Variants in ETV1 observed in about 807,000 individuals in gnomAD.
ETV1 encodes the protein ETS variant transcription factor 1, also known as ETS translocation variant 1.
A neutral mutation model predicts 62.3 loss-of-function variants in ETV1; 27 were observed. The ratio of observed to expected loss-of-function variants is 0.43; its 90% CI spans 0.32 to 0.60. ETV1 has a LOEUF of 0.60. Ranked by LOEUF, ETV1 falls within the 20% of genes least tolerant of loss-of-function variation. ETV1 has a pLI of 0.06. For synonymous variants in ETV1, 222 were observed against 199.6 expected, an observed-to-expected ratio of 1.11 and a Z score of -0.94; for missense variants, 605 against 605.8, an observed-to-expected ratio of 1.00 and a Z score of 0.01.
At chr7:13,903,624 G>T (rs1386422411) in intron 12 of ETV1, among the ~76,000 whole-genome samples, 1 of 151,836 alleles carries the variant, frequency 6.6e-6, no homozygotes, top group African/African-American at 2.4e-5. Flanking sequence ...TTAGCTGGGT[G>T]TGGGGGTGCA....
In ETV1 at chr7:13,909,546, A is replaced by C. The variant is rs1783350488; in HGVS notation, c.940+86T>G. On this transcript the variant is annotated intron_variant, in intron 11 of 13. Transcript: ENST00000430479. The stretch of plus-strand genomic sequence containing the variant: ...ATTATGTGCATAGGAATCTTTAAGT[A>C]GGGATGTCCACTGTTTTCAGAAGAA... 13 of 934,492 alleles carry C rather than the reference A, an allele frequency of 1.4e-5. No homozygotes were observed. In the South Asian group the frequency reaches 1.4e-4, roughly 10 times the overall value. 57.9% of individuals were successfully genotyped at this position (934,492 alleles called of 1,614,324 possible).
chr7:13,896,100 T>C lies in ETV1; in HGVS notation c.1213-13A>G, dbSNP rs768700615. 3 of 1,605,988 alleles carry C rather than the reference T, an allele frequency of 1.9e-6. No homozygotes were observed. The highest frequency in any genetic ancestry group is 2.6e-6 in the Non-Finnish European group (3 of 1,174,690). ...TCTCTCCAGCCACCTGATGATAACA[T>C]GGAAGAGAAAAACCCATCCTCACCA... On this transcript the variant is annotated splice_polypyrimidine_tract_variant and intron_variant, in intron 13 of 13. Transcript: ENST00000430479.
At chr7:13,905,237 A>T (rs572334714) in intron 12 of ETV1, among the ~76,000 whole-genome samples, 1 of 152,236 alleles carries the variant, frequency 6.6e-6, no homozygotes, top group South Asian at 2.1e-4. Flanking sequence ...TGGTTTAATA[A>T]AGACAGAAAA....
In ETV1 at chr7:13,939,196, A is replaced by G. The variant is rs2128459518; in HGVS notation, c.286T>C (p.Cys96Arg). 1.2e-6 allele frequency: 2 copies of G among 1,612,980 alleles called. No homozygotes were observed. Among genetic ancestry groups the G allele is most frequent in the Admixed American group, 1.7e-5 (1 of 59,794 alleles). The change falls in exon 7 of 14, where the codon TGT (cysteine) becomes CGT (arginine). Residue 96 changes from cysteine (C) to arginine (R), a missense_variant. Physicochemically the swap from Cys to Arg is radical, Grantham distance 180. Transcript: ENST00000430479. Reference sequence around the variant, plus strand: ...CTGCAGGCAGAGCTGATTTCTGAACATGGACTGTGGGGTTCTTTCTTGATT... The same window carrying G: ...CTGCAGGCAGAGCTGATTTCTGAACGTGGACTGTGGGGTTCTTTCTTGATT... ...LKIKKEPHSP[C>R]SEISSACSQE...
chr7:13,973,492 T>C (rs1781103248), intron 6 of ETV1, among the ~76,000 whole-genome samples: 1 of 152,190 alleles, frequency 6.6e-6, no homozygotes, highest in Non-Finnish European at 1.5e-5. Context: ...CATCCAGAAA[T>C]CCTCTTTAGT....
chr7:13,952,835 A>G (rs6946355), intron 6 of ETV1, among the ~76,000 whole-genome samples: 90,643 of 152,058 alleles, frequency 0.6, 27,846 homozygotes, highest in African/African-American at 0.76. Context: ...GAGACCAAAT[A>G]CAGAATATGT....
At chr7:13,929,322 T>C (rs1038000100) in intron 9 of ETV1, among the ~76,000 whole-genome samples, 2 of 152,194 alleles carry the variant, frequency 1.3e-5, no homozygotes, top group African/African-American at 4.8e-5. Flanking sequence ...ATAAAGACTC[T>C]TATACAATCT....
chr7:13,965,304 C>G (rs1409760799), intron 6 of ETV1, among the ~76,000 whole-genome samples: 2 of 152,232 alleles, frequency 1.3e-5, no homozygotes, highest in African/African-American at 4.8e-5. Context: ...ATTTTTCTCA[C>G]AGCTATTCGC....
At position 13,924,209 on chromosome 7, in the gene ETV1, G is replaced by A. The variant is rs543207270; in HGVS notation, c.802+7293C>T. ...TGAAAAGCACAGCTGAAGGTGAAGT[G>A]TAAGCCACTGAGCCATCAAGGGCAT... is the stretch of plus-strand genomic sequence containing the variant. On this transcript the variant is annotated intron_variant, in intron 9 of 13. Coordinates refer to ENST00000430479, the MANE Select transcript of ETV1 (RefSeq NM_004956.5). 2.0e-5 allele frequency among the ~76,000 whole-genome samples: 3 copies of A among 152,282 alleles called. No homozygotes were observed. The South Asian group carries it at 6.2e-4, about 32-fold the overall frequency.
In ETV1 at chr7:13,891,902, G is replaced by C. The variant is rs1583530059; in HGVS notation, c.*3964C>G. The C allele has an allele frequency of 4.3e-6, 1 of 231,258 alleles. No homozygotes were observed. Among genetic ancestry groups the C allele is most frequent in the East Asian group, 6.2e-5 (1 of 16,166 alleles). The allele number at this position is 231,258 out of a possible 1,614,324, so 14.3% of individuals were successfully genotyped here. ...TAGTTTTTGTTTTCTAGGATTCCAAGTAACAAACATCCAAATGACCTTCTC... is the reference window on the plus strand; with the variant it reads ...TAGTTTTTGTTTTCTAGGATTCCAACTAACAAACATCCAAATGACCTTCTC... On this transcript the variant is annotated 3_prime_UTR_variant, in exon 14 of 14. Coordinates refer to ENST00000430479, the MANE Select transcript of ETV1 (RefSeq NM_004956.5).
chr7:13,951,464 C>T (rs1298527899), intron 6 of ETV1, among the ~76,000 whole-genome samples: 8 of 152,048 alleles, frequency 5.3e-5, no homozygotes, highest in African/African-American at 1.7e-4. Flanking sequence ...ATAGAGTTTC[C>T]GATAGGACTA....
intron 3 of ETV1, chr7:13,988,642 ACC>A: frequency 6.4e-7 from 1 of 1,558,208 alleles, no homozygotes; most frequent in South Asian, 1.2e-5. Context: ...AAACAAAAAC[ACC>A]CCATATAAAC....
rs1269593971 is a variant in ETV1, at chr7:13,950,781, G to C, written c.236-11535C>G. 7.2e-5 allele frequency among the ~76,000 whole-genome samples: 11 copies of C among 152,012 alleles called. No individual in the cohort carries two copies. The East Asian group carries it at 1.9e-3, about 27-fold the overall frequency. ...CCCCCAGCCCTGATGATCTAACTCA[G>C]AGGTTGACAACATTTCTTTGTTTCA... is the stretch of plus-strand genomic sequence containing the variant. On this transcript the variant is annotated intron_variant, in intron 6 of 13. Transcript: ENST00000430479.
intron 6 of ETV1, among the ~76,000 whole-genome samples, chr7:13,950,934 ACACACAC>A (rs1412333058): frequency 2.2e-4 from 28 of 124,848 alleles, no homozygotes; most frequent in Admixed American, 6.0e-4. Context: ...ACACACACAC[ACACACAC>A]AATATCGAGC....
intron 6 of ETV1, among the ~76,000 whole-genome samples, chr7:13,975,690 G>A (rs183560766): frequency 6.6e-4 from 99 of 151,000 alleles, no homozygotes; most frequent in Admixed American, 1.3e-3. Context: ...GAGTGGTCAA[G>A]GGTGTAAAAA....
At chr7:13,943,159 A>G (rs1787760391) in intron 6 of ETV1, among the ~76,000 whole-genome samples, 1 of 152,246 alleles carries the variant, frequency 6.6e-6, no homozygotes, top group African/African-American at 2.4e-5. Context: ...AAAATGGGCA[A>G]AAAGTCTTGA....
At chr7:13,931,994 C>T (rs1786234417) in intron 8 of ETV1, among the ~76,000 whole-genome samples, 1 of 151,528 alleles carries the variant, frequency 6.6e-6, no homozygotes, top group South Asian at 2.1e-4. Context: ...TAAAGATGTA[C>T]TTTGAGTAAG....
intron 9 of ETV1, among the ~76,000 whole-genome samples, chr7:13,913,867 T>TG (rs1212649250): frequency 6.8e-6 from 1 of 147,106 alleles, no homozygotes; most frequent in Non-Finnish European, 1.5e-5. Context: ...TTTAACTATT[T>TG]GGGGGTACCT....
chr7:13,966,911 G>A (rs940905011), intron 6 of ETV1, among the ~76,000 whole-genome samples: 1 of 152,132 alleles, frequency 6.6e-6, no homozygotes, highest in African/African-American at 2.4e-5. Context: ...GACAAAGCCT[G>A]TCATATAATA....
Sources: allele counts gnomAD v4.1 joint callset (sites outside exome capture counted in the v4.1 genomes callset), GRCh38; gene constraint gnomAD v4.1.1; transcripts MANE v1.5; gene names NCBI Gene and HGNC (gene_info 2026-07-23, HGNC 2026-07-21).